The following ATXN1 variants were observed in gnomAD, a reference collection of about 807,000 sequenced individuals.
The protein encoded by ATXN1 is ataxin 1, also known as ataxin-1.
A neutral mutation model predicts 56.4 loss-of-function variants in ATXN1; 8 were observed. The ratio of observed to expected loss-of-function variants is 0.14; its 90% CI spans 0.08 to 0.26. The LOEUF (loss-of-function observed/expected upper bound fraction) is 0.26. ATXN1 is among the 10% of genes least tolerant of loss of function. ATXN1 has a pLI of 1.00. For missense variants in ATXN1, 987 were observed against 1,106.5 expected (o/e 0.89, Z 1.53); for synonymous variants, 514 against 494.6 (o/e 1.04, Z -0.52).
intron 6 of ATXN1, among the ~76,000 whole-genome samples, chr6:16,359,282 G>C (rs1465695571): frequency 6.6e-6 from 1 of 152,148 alleles, no homozygotes; most frequent in African/African-American, 2.4e-5. Flanking sequence ...GACCAGAGTG[G>C]GGACTCGTGG....
intron 5 of ATXN1, among the ~76,000 whole-genome samples, chr6:16,510,512 A>C (rs1761065239): frequency 6.6e-6 from 1 of 152,054 alleles, no homozygotes; most frequent in Non-Finnish European, 1.5e-5. Context: ...GAGGTGGGAG[A>C]ATCACTTGAG....
intron 5 of ATXN1, among the ~76,000 whole-genome samples, chr6:16,521,583 A>G (rs1761291558): frequency 6.6e-6 from 1 of 152,222 alleles, no homozygotes; most frequent in African/African-American, 2.4e-5. Context: ...CAAATAAAAT[A>G]AAAGAATAAA....
chr6:16,657,069 T>C lies in ATXN1; in HGVS notation c.-489+707A>G, dbSNP rs540907468. On this transcript the variant is annotated intron_variant, in intron 3 of 7. Coordinates refer to ENST00000436367, the MANE Select transcript of ATXN1 (RefSeq NM_001128164.2). ...TGCAATCTCGGCTCACTGCAAGCTC[T>C]GCCTCCCAGGTTCACGCCATTCTGC... is the stretch of plus-strand genomic sequence containing the variant. 1.2e-3 allele frequency among the ~76,000 whole-genome samples: 165 copies of C among 142,466 alleles called. 2 individuals carry two copies. The South Asian group carries it at 0.018, about 16-fold the overall frequency. 93.5% of individuals were successfully genotyped at this position (142,466 alleles called of 152,430 possible).
At chr6:16,507,365 C>T (rs779533447) in intron 5 of ATXN1, among the ~76,000 whole-genome samples, 9 of 152,164 alleles carry the variant, frequency 5.9e-5, no homozygotes, top group Admixed American at 1.3e-4. Flanking sequence ...CTGCAATGTC[C>T]GAAGGAACTC....
At chr6:16,390,821 C>A (rs144015414) in intron 6 of ATXN1, among the ~76,000 whole-genome samples, 1 of 151,980 alleles carries the variant, frequency 6.6e-6, no homozygotes, top group Admixed American at 6.6e-5. Context: ...TGTAAACTGG[C>A]GTCAGTAACA....
intron 6 of ATXN1, among the ~76,000 whole-genome samples, chr6:16,391,435 G>C (rs953396085): frequency 6.6e-6 from 1 of 152,054 alleles, no homozygotes; most frequent in African/African-American, 2.4e-5. Flanking sequence ...TGGATTTTCT[G>C]GGCCAGTGCA....
At chr6:16,640,613 G>A (rs1763691099) in intron 3 of ATXN1, among the ~76,000 whole-genome samples, 1 of 152,024 alleles carries the variant, frequency 6.6e-6, no homozygotes, top group Non-Finnish European at 1.5e-5. Flanking sequence ...AACCCGGGAG[G>A]CGGAGCTTGC....
intron 4 of ATXN1, among the ~76,000 whole-genome samples, chr6:16,525,675 G>A (rs1167168995): frequency 6.6e-6 from 1 of 152,082 alleles, no homozygotes; most frequent in Non-Finnish European, 1.5e-5. Context: ...TATAACTGGA[G>A]TGTTTGTTGT....
chr6:16,457,944 A>G (rs1257533320), intron 6 of ATXN1, among the ~76,000 whole-genome samples: 1 of 152,224 alleles, frequency 6.6e-6, no homozygotes, highest in Admixed American at 6.5e-5. Flanking sequence ...TCTGAATTAA[A>G]GCAGATCAAG....
chr6:16,745,216 T>C (rs1228480188), intron 2 of ATXN1, among the ~76,000 whole-genome samples: 4 of 152,200 alleles, frequency 2.6e-5, no homozygotes, highest in African/African-American at 9.6e-5. Flanking sequence ...TAGAAAGCAA[T>C]TCAGAGCAAG....
At chr6:16,373,530 TC>T (rs1329396407) in intron 6 of ATXN1, among the ~76,000 whole-genome samples, 3 of 152,182 alleles carry the variant, frequency 2.0e-5, no homozygotes, top group African/African-American at 7.2e-5. Context: ...TTTGGCTGTG[TC>T]CCCACCCAAG....
chr6:16,418,840 T>C (rs1277825210), intron 6 of ATXN1, among the ~76,000 whole-genome samples: 1 of 151,732 alleles, frequency 6.6e-6, no homozygotes, highest in Non-Finnish European at 1.5e-5. Context: ...TGGTAACAAT[T>C]TGTTATAAAT....
At chr6:16,650,541 G>C (rs1236973792) in intron 3 of ATXN1, among the ~76,000 whole-genome samples, 1 of 152,188 alleles carries the variant, frequency 6.6e-6, no homozygotes, top group African/African-American at 2.4e-5. Context: ...TAATCAATGT[G>C]TTTGCACAAT....
At position 16,610,948 on chromosome 6, in the gene ATXN1, T is replaced by C. The variant is rs143456299; in HGVS notation, c.-488-25041A>G. The stretch of plus-strand genomic sequence containing the variant: ...TAGGAGGCTGAGGTGGGGGATCCTT[T>C]AGAGCCAGGAGGTCAAGGCTGCAGC... On this transcript the variant is annotated intron_variant, in intron 3 of 7. Coordinates refer to ENST00000436367, the MANE Select transcript of ATXN1 (RefSeq NM_001128164.2). Among the ~76,000 whole-genome samples the C allele has an allele frequency of 1.5e-3, 227 of 151,956 alleles. 1 individual carries two copies. The highest frequency in any genetic ancestry group is 5.0e-3 in the African/African-American group (208 of 41,436).
At chr6:16,496,925 G>T (rs762835209) in intron 5 of ATXN1, among the ~76,000 whole-genome samples, 2 of 152,058 alleles carry the variant, frequency 1.3e-5, no homozygotes, top group African/African-American at 2.4e-5. Context: ...AGATTTAGGG[G>T]TTTATCCTAG....
chr6:16,532,217 T>C (rs1761518121), intron 4 of ATXN1, among the ~76,000 whole-genome samples: 1 of 152,218 alleles, frequency 6.6e-6, no homozygotes, highest in Non-Finnish European at 1.5e-5. Flanking sequence ...TCAACTTCCT[T>C]CCTTTCCTCT....
intron 6 of ATXN1, among the ~76,000 whole-genome samples, chr6:16,402,655 A>G (rs1304567065): frequency 6.6e-6 from 1 of 152,154 alleles, no homozygotes; most frequent in African/African-American, 2.4e-5. Context: ...AGGGAGGATC[A>G]TTTACATGGG....
At chr6:16,440,871 C>A (rs1478834434) in intron 6 of ATXN1, among the ~76,000 whole-genome samples, 1 of 152,064 alleles carries the variant, frequency 6.6e-6, no homozygotes, top group Non-Finnish European at 1.5e-5. Flanking sequence ...AGTCCATAAA[C>A]CTGAAGACAG....
intron 6 of ATXN1, among the ~76,000 whole-genome samples, chr6:16,347,259 C>T (rs1010412479): frequency 1.3e-5 from 2 of 152,024 alleles, no homozygotes; most frequent in Non-Finnish European, 2.9e-5. Flanking sequence ...CCACCTACTG[C>T]CTCTGTGAAG....
Sources: gnomAD v4.1 joint callset for allele counts (sites outside exome capture counted in the v4.1 genomes callset) on GRCh38, gnomAD v4.1.1 for gene constraint, MANE v1.5 for transcripts, NCBI Gene and HGNC (gene_info 2026-07-23, HGNC 2026-07-21) for gene names.